MECR: variants seen among roughly 807,000 people sequenced by gnomAD.
The protein encoded by MECR is enoyl-[acyl-carrier-protein] reductase, mitochondrial.
In MECR, 37 loss-of-function variants were observed where a neutral mutation model predicts 49.1. That is an observed-to-expected ratio of 0.75 (90% CI 0.58 to 0.99). The LOEUF (loss-of-function observed/expected upper bound fraction) is 0.99, where lower values mean the gene tolerates loss of function less well. Ranked by LOEUF, MECR falls within the 50% of genes least tolerant of loss-of-function variation. The probability of loss-of-function intolerance (pLI) is 0.00; values close to 1 mark genes in which losing one functional copy is unlikely to be tolerated. For missense variants in MECR, 470 were observed against 479.6 expected, an observed-to-expected ratio of 0.98 and a Z score of 0.19; for synonymous variants, 198 against 191.1, an observed-to-expected ratio of 1.04 and a Z score of -0.30.
chr1:29,178,829 T>G, the MECR span, among the ~76,000 whole-genome samples: 2 of 152,258 alleles, frequency 1.3e-5, no homozygotes, highest in Non-Finnish European at 2.9e-5. Flanking sequence ...AGGCAATTTT[T>G]GCTTGAAATA....
chr1:29,200,492 G>A, intron 7 of MECR, 24 bp downstream of exon 7: 1 of 1,607,578 alleles, frequency 6.2e-7, no homozygotes, highest in Non-Finnish European at 8.5e-7. Context: ...TGGCGAGCTG[G>A]ACCTGCAGGC....
the MECR span, among the ~76,000 whole-genome samples, chr1:29,174,793 C>T: frequency 6.6e-6 from 1 of 151,068 alleles, no homozygotes; most frequent in South Asian, 2.1e-4. Context: ...CCTGCCTCAG[C>T]CTCCTGAGTA....
At chr1:29,219,886 A>G (rs929586719) in intron 1 of MECR, among the ~76,000 whole-genome samples, 2 of 152,224 alleles carry the variant, frequency 1.3e-5, no homozygotes, top group Non-Finnish European at 2.9e-5. Context: ...GGAACTGCAG[A>G]TACAAATTTA....
intron 3 of MECR, among the ~76,000 whole-genome samples, chr1:29,213,530 T>C (rs1678561722): frequency 6.6e-6 from 1 of 152,146 alleles, no homozygotes; most frequent in Non-Finnish European, 1.5e-5. Context: ...GCAACCGGAG[T>C]GGCCCTACCC....
intron 1 of MECR, among the ~76,000 whole-genome samples, chr1:29,222,029 T>C (rs947918280): frequency 1.3e-5 from 2 of 152,220 alleles, no homozygotes; most frequent in East Asian, 3.9e-4. Context: ...ATGCAGGCTG[T>C]TGAACCCTAC....
At chr1:29,187,013 C>A in the MECR span, among the ~76,000 whole-genome samples, 1 of 152,198 alleles carries the variant, frequency 6.6e-6, no homozygotes, top group Non-Finnish European at 1.5e-5. Flanking sequence ...CTGCTGTCTT[C>A]CCAGGAATGT....
chr1:29,220,616 T>A (rs1186418764), intron 1 of MECR: 1 of 152,234 alleles, frequency 6.6e-6, no homozygotes, highest in South Asian at 2.1e-4. Context: ...AAAATCTAGA[T>A]GACCGTGGTC....
chr1:29,230,754 G>A lies in MECR; in HGVS notation c.153C>T (p.His51=), dbSNP rs779264738. 46 of 1,590,496 alleles carry A rather than the reference G, an allele frequency of 2.9e-5. No individual in the cohort carries two copies. The highest frequency in any genetic ancestry group is 3.6e-5 in the Non-Finnish European group (42 of 1,168,932). The part of the protein sequence containing the change: ...ARVRALVYGH[H]GDPAKVVELK... ...ACTCGACGACCTTGGCTGGATCCCC[G>A]TGGTGCCCATAGACAAGCGCCCGGA... The change falls in exon 1 of 10, where the codon CAC becomes CAT. Residue 51 remains histidine, a synonymous_variant. Coordinates refer to ENST00000263702, the MANE Select transcript of MECR (RefSeq NM_016011.5).
At chr1:29,224,629 T>A (rs1681598252) in intron 1 of MECR, 1 of 152,096 alleles carries the variant, frequency 6.6e-6, no homozygotes, top group Admixed American at 6.5e-5. Context: ...GGTTTTGAGG[T>A]CTACAGAAAG....
chr1:29,217,814 G>A (rs1305870465), intron 1 of MECR, among the ~76,000 whole-genome samples: 1 of 152,184 alleles, frequency 6.6e-6, no homozygotes, highest in Admixed American at 6.5e-5. Context: ...CAGAGTGTGG[G>A]CGTAATGGGG....
At chr1:29,206,185 GA>G (rs1371671558) in intron 4 of MECR, among the ~76,000 whole-genome samples, 2 of 152,170 alleles carry the variant, frequency 1.3e-5, no homozygotes, top group Non-Finnish European at 2.9e-5. Context: ...TTTTACAGAA[GA>G]AAAATCTGAT....
intron 1 of MECR, among the ~76,000 whole-genome samples, chr1:29,229,832 C>G (rs1683001909): frequency 6.6e-6 from 1 of 152,174 alleles, no homozygotes; most frequent in African/African-American, 2.4e-5. Flanking sequence ...GCCCCAATAG[C>G]CCTTCTGAAT....
intron 1 of MECR, among the ~76,000 whole-genome samples, chr1:29,225,591 C>CAGTAA (rs1681839119): frequency 6.6e-6 from 1 of 152,148 alleles, no homozygotes; most frequent in Non-Finnish European, 1.5e-5. Context: ...GCCTTGCACT[C>CAGTAA]AGTAAACTCT....
At chr1:29,198,919 G>A (rs1285010650) in intron 7 of MECR, among the ~76,000 whole-genome samples, 3 of 152,070 alleles carry the variant, frequency 2.0e-5, no homozygotes, top group Non-Finnish European at 4.4e-5. Context: ...GCCCGGCCTG[G>A]GCCTCATTGT....
At chr1:29,190,084 CAT>C (rs1401390593), downstream of MECR, among the ~76,000 whole-genome samples, 2 of 152,116 alleles carry the variant, frequency 1.3e-5, no homozygotes, top group African/African-American at 4.8e-5. Context: ...TCTTGCTGTA[CAT>C]AGTCAAGGCC....
At chr1:29,172,306 T>A in the MECR span, 1 of 152,170 alleles carries the variant, frequency 6.6e-6, no homozygotes, top group Non-Finnish European at 1.5e-5. Context: ...TTTTATTTTT[T>A]ATTTTTGAGA....
the MECR span, among the ~76,000 whole-genome samples, chr1:29,179,516 C>T: frequency 1.2e-4 from 19 of 152,018 alleles, no homozygotes; most frequent in South Asian, 1.0e-3. Context: ...AGTGTCACCA[C>T]GCGTGGCTAA....
the MECR span, chr1:29,169,795 G>T: frequency 7.9e-5 from 12 of 152,108 alleles, no homozygotes; most frequent in Non-Finnish European, 1.5e-4. Flanking sequence ...TCACATAGTA[G>T]GGTGAGAAAA....
At chr1:29,192,214 C>T (rs942711116), downstream of MECR, among the ~76,000 whole-genome samples, 2 of 152,208 alleles carry the variant, frequency 1.3e-5, no homozygotes, top group Admixed American at 6.5e-5. Flanking sequence ...ATCTGTACCT[C>T]ACCCATGTCT....
Sources: allele counts gnomAD v4.1 joint callset (sites outside exome capture counted in the v4.1 genomes callset), GRCh38; gene constraint gnomAD v4.1.1; transcripts MANE v1.5; gene names NCBI Gene and HGNC (gene_info 2026-07-23, HGNC 2026-07-21).